The following RPH3AL variants were observed in gnomAD, a reference collection of about 807,000 sequenced individuals.
RPH3AL encodes rabphilin 3A like (without C2 domains).
RPH3AL carries 38 observed loss-of-function variants against 43.1 expected under a neutral mutation model. The ratio of observed to expected loss-of-function variants is 0.88; its 90% CI spans 0.68 to 1.15. RPH3AL has a LOEUF of 1.15. RPH3AL is among the 50% of genes most tolerant of loss of function. The probability of loss-of-function intolerance (pLI) is 0.00; values close to 1 mark genes in which losing one functional copy is unlikely to be tolerated. For missense variants in RPH3AL, 462 were observed against 423.2 expected, an observed-to-expected ratio of 1.09 and a Z score of -0.81; for synonymous variants, 189 against 176.3, an observed-to-expected ratio of 1.07 and a Z score of -0.57.
At position 225,367 on chromosome 17, in the gene RPH3AL, T is replaced by A. The variant is rs141456527; in HGVS notation, c.614-5631A>T. 0.011 allele frequency among the ~76,000 whole-genome samples: 1,627 copies of A among 152,304 alleles called. 24 individuals carry two copies. The highest frequency in any genetic ancestry group is 0.036 in the African/African-American group (1,508 of 41,550). ...TGCAGTTGTTTTTCGGGTCCTGGACTGAGCTGCTTTGATCATGAATCCACC... is the reference window on the plus strand; with the variant it reads ...TGCAGTTGTTTTTCGGGTCCTGGACAGAGCTGCTTTGATCATGAATCCACC... On this transcript the variant is annotated intron_variant, in intron 7 of 9. Coordinates refer to ENST00000331302, the MANE Select transcript of RPH3AL (RefSeq NM_006987.4). The surrounding 1 kb of genome is among the most constrained non-coding windows in gnomAD (Gnocchi z 4.4).
intron 2 of RPH3AL, among the ~76,000 whole-genome samples, chr17:329,401 T>C (rs1053673369): frequency 2.6e-5 from 4 of 152,182 alleles, no homozygotes; most frequent in African/African-American, 9.6e-5. Context: ...GCTTGAACCC[T>C]GGAGGTGGAG....
At chr17:305,819 T>G (rs1283287744) in intron 5 of RPH3AL, among the ~76,000 whole-genome samples, 1 of 151,330 alleles carries the variant, frequency 6.6e-6, no homozygotes, top group Admixed American at 6.6e-5. Context: ...GCTGCCAGCC[T>G]CCCTCCCCAG....
In RPH3AL at chr17:253,677, T is replaced by TGAC. The variant is rs1567588068; in HGVS notation, c.439-6393_439-6392insGTC. Among the ~76,000 whole-genome samples, 266 of 134,008 alleles carry TGAC rather than the reference T, an allele frequency of 2.0e-3. 83 individuals carry two copies. Among genetic ancestry groups the TGAC allele is most frequent in the Middle Eastern group, 7.7e-3 (2 of 260 alleles). 87.9% of individuals were successfully genotyped at this position (134,008 alleles called of 152,430 possible). A position where few individuals can be genotyped will look rare whatever the true frequency, so the allele number is the denominator to read the frequency against. On this transcript the variant is annotated intron_variant, in intron 6 of 9. Coordinates refer to ENST00000331302, the MANE Select transcript of RPH3AL (RefSeq NM_006987.4). ...AGTCTGCTGTCTGTCCCTAGGAACG[T>TGAC]TACTACCCTACGTACTTCCTATGAG...
intron 5 of RPH3AL, among the ~76,000 whole-genome samples, chr17:292,734 A>T (rs76755668): frequency 4.6e-5 from 7 of 152,168 alleles, no homozygotes; most frequent in African/African-American, 1.7e-4. Context: ...CTCCTCTTCC[A>T]GAACGACAGA....
intron 5 of RPH3AL, among the ~76,000 whole-genome samples, chr17:292,615 C>A (rs558486551): frequency 2.6e-5 from 4 of 152,236 alleles, no homozygotes; most frequent in African/African-American, 9.6e-5. Context: ...CTGCCCCAGC[C>A]GGGCCTGGCT....
intron 4 of RPH3AL, 139 bp downstream of exon 4, chr17:321,133 G>T: frequency 9.3e-7 from 1 of 1,075,560 alleles, no homozygotes; most frequent in Non-Finnish European, 1.3e-6. Flanking sequence ...TTCAGCAAGG[G>T]CTGGAGTCAG....
rs2151609727 is a variant in RPH3AL at position 283,753 on chromosome 17, T to C, written c.352-1899A>G. Among the ~76,000 whole-genome samples the C allele has an allele frequency of 6.6e-6, 1 of 152,286 alleles. No individual in the cohort carries two copies. ...GGGCTTCAGCCCTTCCAAGGACCAG[T>C]AGCCTGTCTCCCTGGAACCCTAGGC... is the stretch of plus-strand genomic sequence containing the variant. On this transcript the variant is annotated intron_variant, in intron 5 of 9. Transcript: ENST00000331302. The surrounding 1 kb of genome is among the most constrained non-coding windows in gnomAD (Gnocchi z 4.2).
chr17:347,464 G>A (rs1175726699), intron 1 of RPH3AL, among the ~76,000 whole-genome samples: 1 of 152,104 alleles, frequency 6.6e-6, no homozygotes, highest in African/African-American at 2.4e-5. Flanking sequence ...CATGCCCACA[G>A]TCCCAGCTCC....
intron 1 of RPH3AL, among the ~76,000 whole-genome samples, chr17:334,589 GGGACAGGGACAA>G (rs1202414207): frequency 1.6e-5 from 2 of 127,640 alleles, no homozygotes; most frequent in Non-Finnish European, 3.4e-5. Context: ...CCACTGTGGA[GGGACAGGGACAA>G]GGACAGGGAC....
chr17:349,770 G>A (rs1598177237), intron 1 of RPH3AL, among the ~76,000 whole-genome samples: 1 of 152,290 alleles, frequency 6.6e-6, no homozygotes, highest in East Asian at 1.9e-4. Context: ...ATGTCTTCCA[G>A]TAAAATCGAG....
intron 6 of RPH3AL, among the ~76,000 whole-genome samples, chr17:277,532 T>C (rs2042681511): frequency 2.0e-5 from 3 of 152,238 alleles, no homozygotes. Flanking sequence ...ACTATGCTAC[T>C]GGCTTTGAGA....
intron 6 of RPH3AL, among the ~76,000 whole-genome samples, chr17:262,870 TTTCC>T (rs1555546777): frequency 2.0e-5 from 3 of 152,166 alleles, no homozygotes; most frequent in African/African-American, 7.2e-5. Context: ...CCCACTTTGC[TTTCC>T]CCGCAGAAGC....
At chr17:298,297 C>T (rs942750887) in intron 5 of RPH3AL, among the ~76,000 whole-genome samples, 4 of 152,246 alleles carry the variant, frequency 2.6e-5, no homozygotes, top group Non-Finnish European at 5.9e-5. Context: ...GGTAGAGCAC[C>T]GGCCTCTCTG....
chr17:315,162 TG>T (rs1567509263), intron 5 of RPH3AL, among the ~76,000 whole-genome samples: 2 of 120,554 alleles, frequency 1.7e-5, no homozygotes, highest in Non-Finnish European at 3.7e-5. Context: ...GTAGTCCCTG[TG>T]CCCCCACCTC....
chr17:313,448 C>T (rs550976487), intron 5 of RPH3AL, among the ~76,000 whole-genome samples: 5 of 152,324 alleles, frequency 3.3e-5, no homozygotes, highest in Admixed American at 3.3e-4. Context: ...ATGCCCAGCT[C>T]GTTCCTGCCT....
At chr17:317,579 CA>C (rs1567516570) in intron 5 of RPH3AL, among the ~76,000 whole-genome samples, 1 of 152,136 alleles carries the variant, frequency 6.6e-6, no homozygotes, top group African/African-American at 2.4e-5. Flanking sequence ...AGGGCCTTGG[CA>C]AGGCTGAAGG....
chr17:282,851 G>C (rs1310219952), intron 5 of RPH3AL, among the ~76,000 whole-genome samples: 3 of 152,200 alleles, frequency 2.0e-5, no homozygotes, highest in African/African-American at 7.2e-5. Flanking sequence ...AAGTATTCCT[G>C]TATCTAAATA....
intron 7 of RPH3AL, among the ~76,000 whole-genome samples, chr17:238,697 G>A (rs576856228): frequency 6.6e-6 from 1 of 152,210 alleles, no homozygotes; most frequent in East Asian, 1.9e-4. Context: ...GTACTCTTTC[G>A]CTACTCAAGT....
chr17:325,146 C>A (rs965780206), intron 3 of RPH3AL, among the ~76,000 whole-genome samples: 14 of 152,212 alleles, frequency 9.2e-5, no homozygotes, highest in African/African-American at 3.1e-4. Context: ...CAGGCGTGAG[C>A]CACCGCGACC....
Sources: allele counts gnomAD v4.1 joint callset (sites outside exome capture counted in the v4.1 genomes callset), GRCh38; gene constraint gnomAD v4.1.1; non-coding constraint Gnocchi (gnomAD v3.1); transcripts MANE v1.5; gene names NCBI Gene and HGNC (gene_info 2026-07-23, HGNC 2026-07-21).